UNCX: variants seen among roughly 807,000 people sequenced by gnomAD.
UNCX encodes homeobox protein unc-4 homolog.
UNCX carries 4 observed loss-of-function variants against 14.8 expected under a neutral mutation model. The ratio of observed to expected loss-of-function variants is 0.27; its 90% confidence interval spans 0.13 to 0.62. The LOEUF is 0.62. UNCX is among the 20% of genes least tolerant of loss of function. The pLI is 0.86. For missense variants in UNCX, 749 were observed against 786.8 expected (o/e 0.95, Z 0.58); for synonymous variants, 459 against 395.8 (o/e 1.16, Z -1.90).
Position 1,236,384 on chromosome 7 carries a change from G to T in UNCX, c.1003G>T (p.Glu335Ter). The T allele has an allele frequency of 7.3e-7, 1 of 1,370,432 alleles. No individual in the cohort carries two copies. The highest frequency in any genetic ancestry group is 9.4e-7 in the Non-Finnish European group (1 of 1,059,796). The allele number at this position is 1,370,432 out of a possible 1,614,324, so 84.9% of individuals were successfully genotyped here. A position where few individuals can be genotyped will look rare whatever the true frequency, so the allele number is the denominator to read the frequency against. The change falls in exon 3 of 3, where the codon GAG (glutamate) becomes TAG (stop). Residue 335 changes from glutamate to a stop codon, truncating the protein, a stop_gained. Coordinates refer to ENST00000316333, the MANE Select transcript of UNCX (RefSeq NM_001080461.3). LOFTEE classifies it low-confidence loss of function (END_TRUNC). The surrounding 1 kb of genome is among the most constrained non-coding windows in gnomAD (Gnocchi z 6.9). The stretch of plus-strand genomic sequence containing the variant: ...GCCCAAGGCCAGCCCATTCAGCGTG[G>T]AGAGCCTCCTGTCCGACTCGCCGCC... ...GLPKASPFSV[E>*]SLLSDSPPRR... is the part of the protein sequence containing the mutation.
rs576927309 is a variant in UNCX, at chr7:1,236,747, G to T, written c.1366G>T (p.Ala456Ser). The T allele has an allele frequency of 3.5e-4, 348 of 989,332 alleles. 6 individuals are homozygous for T. The Admixed American group carries it at 0.019, about 55-fold the overall frequency. 61.3% of individuals were successfully genotyped at this position (989,332 alleles called of 1,614,324 possible). ...CGCCTCCCCGGGGGCCCCAGCCCCG[G>T]CCCCGGCGCCTTTCCGGGACCTCGC... ...AVASPGAPAP[A>S]PAPFRDLASA... The change falls in exon 3 of 3, where the codon GCC becomes TCC. Residue 456 changes from alanine (A) to serine (S), a missense_variant. Around this residue, in one of 3 missense-constraint regions of UNCX, gnomAD observed 552 missense variants for 507.2 expected, o/e 1.09. Transcript: ENST00000316333. This position sits in a 1 kb window ranked among gnomAD's most constrained non-coding sequence, Gnocchi z 6.9.
chr7:1,233,128 C>T lies in UNCX; in HGVS notation c.111C>T (p.Ala37=). 6.8e-7 allele frequency: 1 copy of T among 1,465,086 alleles called. No homozygotes were observed. The highest frequency in any genetic ancestry group is 1.5e-5 in the African/African-American group (1 of 67,784). The allele number at this position is 1,465,086 out of a possible 1,614,324, so 90.8% of individuals were successfully genotyped here. The change falls in exon 1 of 3, where the codon GCC becomes GCT. Residue 37 remains alanine (A), a synonymous_variant. Transcript: ENST00000316333. This position sits in a 1 kb window ranked among gnomAD's most constrained non-coding sequence, Gnocchi z 5.3. ...GCCACCACCACGTGTACGAGCTGGC[C>T]GGGCACCAGCTGCAGTCGGCCGCCG... The part of the protein sequence containing the change: ...PLGHHHVYEL[A]GHQLQSAAAA...
Position 1,236,703 on chromosome 7 carries a change from G to T in UNCX, c.1322G>T (p.Arg441Leu). The change falls in exon 3 of 3, where the codon CGT becomes CTT. Residue 441 changes from arginine to leucine, a missense_variant. Around this residue, in one of 3 missense-constraint regions of UNCX, gnomAD observed 552 missense variants for 507.2 expected, o/e 1.09. Transcript: ENST00000316333. The surrounding 1 kb of genome is among the most constrained non-coding windows in gnomAD (Gnocchi z 6.9). ...GGCGCCCCGGACTCGGCCTTCGCGC[G>T]TCGCAGCCCCGACGCCGTCGCCTCC... ...PGGAPDSAFA[R>L]RSPDAVASPG... 1.0e-6 allele frequency: 1 copy of T among 999,174 alleles called. No individual in the cohort carries two copies. The highest frequency in any genetic ancestry group is 1.2e-6 in the Non-Finnish European group (1 of 840,900). 61.9% of individuals were successfully genotyped at this position (999,174 alleles called of 1,614,324 possible).
chr7:1,236,736 C>A lies in UNCX; in HGVS notation c.1355C>A (p.Ala452Asp), dbSNP rs1316208614. Residue 452 changes from alanine (A) to aspartate (D), a missense_variant, in exon 3 of 3, where the codon GCC becomes GAC. Physicochemically the swap from Ala to Asp is moderately radical, Grantham distance 126. Around this residue, in one of 3 missense-constraint regions of UNCX, gnomAD observed 552 missense variants for 507.2 expected, o/e 1.09. Coordinates refer to ENST00000316333, the MANE Select transcript of UNCX (RefSeq NM_001080461.3). The surrounding 1 kb of genome is among the most constrained non-coding windows in gnomAD (Gnocchi z 6.9). ...CCCGACGCCGTCGCCTCCCCGGGGG[C>A]CCCAGCCCCGGCCCCGGCGCCTTTC... ...RSPDAVASPGAPAPAPAPFRD... is the reference protein window; with the variant it reads ...RSPDAVASPGDPAPAPAPFRD... 1 of 991,212 alleles carries A rather than the reference C, an allele frequency of 1.0e-6. No individual in the cohort carries two copies. 61.4% of individuals were successfully genotyped at this position (991,212 alleles called of 1,614,324 possible). A position where few individuals can be genotyped will look rare whatever the true frequency, so the allele number is the denominator to read the frequency against.
chr7:1,236,449 C>T lies in UNCX; in HGVS notation c.1068C>T (p.Ala356=). 7.3e-7 allele frequency: 1 copy of T among 1,368,414 alleles called. No homozygotes were observed. Among genetic ancestry groups the T allele is most frequent in the Non-Finnish European group, 9.4e-7 (1 of 1,061,090 alleles). 84.8% of individuals were successfully genotyped at this position (1,368,414 alleles called of 1,614,324 possible). A position where few individuals can be genotyped will look rare whatever the true frequency, so the allele number is the denominator to read the frequency against. ...CTTCCAACGCCGCCGCCGCCGCCGC[C>T]GCGGGGCTGGACTTCGCGCCCGGGC... ...KAASNAAAAA[A]AGLDFAPGLP... Residue 356 remains alanine, a synonymous_variant, in exon 3 of 3, where the codon GCC becomes GCT. Coordinates refer to ENST00000316333, the MANE Select transcript of UNCX (RefSeq NM_001080461.3). This position sits in a 1 kb window ranked among gnomAD's most constrained non-coding sequence, Gnocchi z 6.9.
Position 1,236,568 on chromosome 7 carries a change from T to A in UNCX, c.1187T>A (p.Leu396His). ...PLGFLVPQAALKGGAGLEPAP... is the reference protein window; with the variant it reads ...PLGFLVPQAAHKGGAGLEPAP... ...GGCTTCCTGGTGCCGCAGGCCGCGC[T>A]CAAGGGCGGCGCGGGCCTGGAGCCG... is the stretch of plus-strand genomic sequence containing the variant. The change falls in exon 3 of 3, where the codon CTC becomes CAC. Residue 396 changes from leucine to histidine, a missense_variant. This residue lies in a region of UNCX where 552 missense variants were observed against 507.2 expected (regional missense o/e 1.09). Transcript: ENST00000316333. The surrounding 1 kb of genome is among the most constrained non-coding windows in gnomAD (Gnocchi z 6.9). 1 of 1,326,726 alleles carries A rather than the reference T, an allele frequency of 7.5e-7. No individual in the cohort carries two copies. The highest frequency in any genetic ancestry group is 9.7e-7 in the Non-Finnish European group (1 of 1,027,744). 82.2% of individuals were successfully genotyped at this position (1,326,726 alleles called of 1,614,324 possible).
In UNCX at chr7:1,232,880, G is replaced by C. The variant is rs1778667601; in HGVS notation, c.-138G>C. The C allele has an allele frequency of 1.0e-5, 3 of 297,540 alleles. No individual in the cohort carries two copies. The highest frequency in any genetic ancestry group is 1.5e-5 in the Non-Finnish European group (3 of 201,254). The allele number at this position is 297,540 out of a possible 1,614,324, so 18.4% of individuals were successfully genotyped here. A position where few individuals can be genotyped will look rare whatever the true frequency, so the allele number is the denominator to read the frequency against. On this transcript the variant is annotated 5_prime_UTR_variant, in exon 1 of 3. Transcript: ENST00000316333. ...GCTTGATGTTGATAAGTAAAGCGCC[G>C]GAGTGCGGGCGAAGCATGTGTGGGG...
rs1440924108 is a variant in UNCX at position 1,236,415 on chromosome 7, G to C, written c.1034G>C (p.Arg345Pro). Reference protein sequence around the residue: ...ESLLSDSPPRRKAASNAAAAA... With the variant: ...ESLLSDSPPRPKAASNAAAAA... ...CTCCTGTCCGACTCGCCGCCGCGCC[G>C]GAAAGCCGCTTCCAACGCCGCCGCC... is the stretch of plus-strand genomic sequence containing the variant. Residue 345 changes from arginine to proline, a missense_variant, in exon 3 of 3, where the codon CGG (arginine) becomes CCG (proline). By Grantham distance (103) the Arg-to-Pro change is moderately radical. Coordinates refer to ENST00000316333, the MANE Select transcript of UNCX (RefSeq NM_001080461.3). The surrounding 1 kb of genome is among the most constrained non-coding windows in gnomAD (Gnocchi z 6.9). The C allele has an allele frequency of 2.2e-6, 3 of 1,368,804 alleles. No homozygotes were observed. The highest frequency in any genetic ancestry group is 1.6e-5 in the African/African-American group (1 of 64,300). The allele number at this position is 1,368,804 out of a possible 1,614,324, so 84.8% of individuals were successfully genotyped here.
chr7:1,236,352 C>G lies in UNCX; in HGVS notation c.971C>G (p.Ala324Gly). 1 of 1,311,432 alleles carries G rather than the reference C, an allele frequency of 7.6e-7. No individual in the cohort carries two copies. The highest frequency in any genetic ancestry group is 9.7e-7 in the Non-Finnish European group (1 of 1,029,006). The allele number at this position is 1,311,432 out of a possible 1,614,324, so 81.2% of individuals were successfully genotyped here. ...GTGGCGGCGGTGGAGCGCGGCGCCG[C>G]GGGGCTGCCCAAGGCCAGCCCATTC... ...AAVAAVERGAAGLPKASPFSV... is the reference protein window; with the variant it reads ...AAVAAVERGAGGLPKASPFSV... The change falls in exon 3 of 3, where the codon GCG becomes GGG. Residue 324 changes from alanine to glycine, a missense_variant. By Grantham distance (60) the Ala-to-Gly change is moderately conservative. Transcript: ENST00000316333. The surrounding 1 kb of genome is among the most constrained non-coding windows in gnomAD (Gnocchi z 6.9).
intron 2 of UNCX, 113 bp from the exon 3 acceptor site, chr7:1,235,719 C>A (rs1309134052): frequency 2.0e-6 from 2 of 994,354 alleles, no homozygotes; most frequent in South Asian, 3.4e-5. Flanking sequence ...CACTCCTGCC[C>A]CGGCCGAGCG....
Position 1,236,477 on chromosome 7 carries a change from C to T in UNCX, c.1096C>T (p.Pro366Ser), listed in dbSNP as rs1367552900. 2.9e-6 allele frequency: 4 copies of T among 1,385,306 alleles called. No homozygotes were observed. Among genetic ancestry groups the T allele is most frequent in the Non-Finnish European group, 1.9e-6 (2 of 1,066,466 alleles). 85.8% of individuals were successfully genotyped at this position (1,385,306 alleles called of 1,614,324 possible). Residue 366 changes from proline (P) to serine (S), a missense_variant, in exon 3 of 3, where the codon CCG becomes TCG. Coordinates refer to ENST00000316333, the MANE Select transcript of UNCX (RefSeq NM_001080461.3). The surrounding 1 kb of genome is among the most constrained non-coding windows in gnomAD (Gnocchi z 6.9). Reference sequence around the variant, plus strand: ...GGGGCTGGACTTCGCGCCCGGGCTGCCGTGCGCGCCGCGGACCCTGATCGG... The same window carrying T: ...GGGGCTGGACTTCGCGCCCGGGCTGTCGTGCGCGCCGCGGACCCTGATCGG... ...AAGLDFAPGL[P>S]CAPRTLIGKG...
In UNCX at chr7:1,233,059, C is replaced by T. The variant is rs1304487972; in HGVS notation, c.42C>T (p.Phe14=). 2.8e-6 allele frequency: 4 copies of T among 1,421,042 alleles called. No individual in the cohort carries two copies. Among genetic ancestry groups the T allele is most frequent in the Admixed American group, 2.6e-5 (1 of 38,210 alleles). 88.0% of individuals were successfully genotyped at this position (1,421,042 alleles called of 1,614,324 possible). A position where few individuals can be genotyped will look rare whatever the true frequency, so the allele number is the denominator to read the frequency against. The stretch of plus-strand genomic sequence containing the variant: ...TCCTGGAACACCCGCATGCCCAGTT[C>T]GGGGGCTCGCTGGGCGGCGTGGTGG... ...GRLLEHPHAQ[F]GGSLGGVVGF... is the part of the protein sequence containing the mutation. The change falls in exon 1 of 3, where the codon TTC becomes TTT. Residue 14 remains phenylalanine, a synonymous_variant. Transcript: ENST00000316333. The surrounding 1 kb of genome is among the most constrained non-coding windows in gnomAD (Gnocchi z 5.3).
In UNCX at chr7:1,236,403, C is replaced by A; in HGVS notation, c.1022C>A (p.Ser341Ter). 7.3e-7 allele frequency: 1 copy of A among 1,369,268 alleles called. No individual in the cohort carries two copies. Among genetic ancestry groups the A allele is most frequent in the Non-Finnish European group, 9.4e-7 (1 of 1,058,818 alleles). 84.8% of individuals were successfully genotyped at this position (1,369,268 alleles called of 1,614,324 possible). The change falls in exon 3 of 3, where the codon TCG (serine) becomes TAG (stop). Residue 341 changes from serine to a stop codon, truncating the protein, a stop_gained. Transcript: ENST00000316333. LOFTEE classifies it low-confidence loss of function (END_TRUNC). The surrounding 1 kb of genome is among the most constrained non-coding windows in gnomAD (Gnocchi z 6.9). ...AGCGTGGAGAGCCTCCTGTCCGACT[C>A]GCCGCCGCGCCGGAAAGCCGCTTCC... Reference protein sequence around the residue: ...PFSVESLLSDSPPRRKAASNA... With the variant: ...PFSVESLLSD
At position 1,233,299 on chromosome 7, in the gene UNCX, C is replaced by G. The variant is rs1778679448; in HGVS notation, c.274+8C>G. ...AGCCCTTCAAGCTGTCAGGTAGGCG[C>G]GGCGGGCGGGAGGGCGGGGAGGAGT... On this transcript the variant is annotated splice_region_variant and intron_variant, in intron 1 of 2. Coordinates refer to ENST00000316333, the MANE Select transcript of UNCX (RefSeq NM_001080461.3). This position sits in a 1 kb window ranked among gnomAD's most constrained non-coding sequence, Gnocchi z 5.3. 2.0e-6 allele frequency: 2 copies of G among 1,024,406 alleles called. No homozygotes were observed. Among genetic ancestry groups the G allele is most frequent in the South Asian group, 2.4e-5 (1 of 41,532 alleles). 63.5% of individuals were successfully genotyped at this position (1,024,406 alleles called of 1,614,324 possible).
At chr7:1,234,889 G>A (rs774072423) in intron 2 of UNCX, among the ~76,000 whole-genome samples, 6 of 152,098 alleles carry the variant, frequency 3.9e-5, no homozygotes, top group Non-Finnish European at 7.4e-5. Context: ...AAGTCTCTGT[G>A]TGGCCGCGAC....
At position 1,233,415 on chromosome 7, in the gene UNCX, G is replaced by GCCCC. The variant is rs373820130; in HGVS notation, c.275-97_275-94dup. 345 of 1,134,824 alleles carry GCCCC rather than the reference G, an allele frequency of 3.0e-4. 11 individuals are homozygous for GCCCC. The African/African-American group carries it at 4.4e-3, about 14-fold the overall frequency. The allele number at this position is 1,134,824 out of a possible 1,614,324, so 70.3% of individuals were successfully genotyped here. A position where few individuals can be genotyped will look rare whatever the true frequency, so the allele number is the denominator to read the frequency against. Reference sequence around the variant, plus strand: ...CCGGCTCCTAGGCGGCCGTCTCTGCGCCCCCCCCCCCGGATCCAGGCGGCC... The same window carrying GCCCC: ...CCGGCTCCTAGGCGGCCGTCTCTGCGCCCCCCCCCCCCCCCGGATCCAGGCGGCC... On this transcript the variant is annotated intron_variant, in intron 1 of 2. Transcript: ENST00000316333. This position sits in a 1 kb window ranked among gnomAD's most constrained non-coding sequence, Gnocchi z 5.3.
Position 1,236,501 on chromosome 7 carries a change from G to A in UNCX, c.1120G>A (p.Gly374Ser), listed in dbSNP as rs1220872169. 5 of 1,404,934 alleles carry A rather than the reference G, an allele frequency of 3.6e-6. No individual in the cohort carries two copies. The highest frequency in any genetic ancestry group is 4.6e-6 in the Non-Finnish European group (5 of 1,075,386). The allele number at this position is 1,404,934 out of a possible 1,614,324, so 87.0% of individuals were successfully genotyped here. ...GCCGTGCGCGCCGCGGACCCTGATCGGCAAGGGCCACTTCCTCCTCTACCC... is the reference window on the plus strand; with the variant it reads ...GCCGTGCGCGCCGCGGACCCTGATCAGCAAGGGCCACTTCCTCCTCTACCC... ...GLPCAPRTLIGKGHFLLYPIT... is the reference protein window; with the variant it reads ...GLPCAPRTLISKGHFLLYPIT... The change falls in exon 3 of 3, where the codon GGC becomes AGC. Residue 374 changes from glycine (G) to serine (S), a missense_variant. By Grantham distance (56) the Gly-to-Ser change is moderately conservative. Around this residue, in one of 3 missense-constraint regions of UNCX, gnomAD observed 552 missense variants for 507.2 expected, o/e 1.09. Coordinates refer to ENST00000316333, the MANE Select transcript of UNCX (RefSeq NM_001080461.3). This position sits in a 1 kb window ranked among gnomAD's most constrained non-coding sequence, Gnocchi z 6.9.
In UNCX at chr7:1,236,642, G is replaced by T; in HGVS notation, c.1261G>T (p.Ala421Ser). ...GCCCGCCGTGCCGCCCGCGCCGCCT[G>T]CCCAGGCCAGTTTCGGGGCCTTCTC... ...PAPAVPPAPP[A>S]QASFGAFSGP... The change falls in exon 3 of 3, where the codon GCC becomes TCC. Residue 421 changes from alanine (A) to serine (S), a missense_variant. By Grantham distance (99) the Ala-to-Ser change is moderately conservative. Around this residue, in one of 3 missense-constraint regions of UNCX, gnomAD observed 552 missense variants for 507.2 expected, o/e 1.09. Transcript: ENST00000316333. This position sits in a 1 kb window ranked among gnomAD's most constrained non-coding sequence, Gnocchi z 6.9. 2 of 1,040,916 alleles carry T rather than the reference G, an allele frequency of 1.9e-6. No homozygotes were observed. Among genetic ancestry groups the T allele is most frequent in the South Asian group, 8.8e-5 (2 of 22,852 alleles). 64.5% of individuals were successfully genotyped at this position (1,040,916 alleles called of 1,614,324 possible).
rs1208486827 is a variant in UNCX, at chr7:1,236,730, C to T, written c.1349C>T (p.Pro450Leu). The T allele has an allele frequency of 2.9e-5, 29 of 992,588 alleles. 1 individual carries two copies. The highest frequency in any genetic ancestry group is 5.1e-4 in the Middle Eastern group (1 of 1,960). 61.5% of individuals were successfully genotyped at this position (992,588 alleles called of 1,614,324 possible). Residue 450 changes from proline to leucine, a missense_variant, in exon 3 of 3, where the codon CCG (proline) becomes CTG (leucine). By Grantham distance (98) the Pro-to-Leu change is moderately conservative. Transcript: ENST00000316333. The surrounding 1 kb of genome is among the most constrained non-coding windows in gnomAD (Gnocchi z 6.9). ...ARRSPDAVAS[P>L]GAPAPAPAPF... is the part of the protein sequence containing the mutation. Reference sequence around the variant, plus strand: ...CGCAGCCCCGACGCCGTCGCCTCCCCGGGGGCCCCAGCCCCGGCCCCGGCG... The same window carrying T: ...CGCAGCCCCGACGCCGTCGCCTCCCTGGGGGCCCCAGCCCCGGCCCCGGCG...
Sources: allele counts gnomAD v4.1 joint callset (sites outside exome capture counted in the v4.1 genomes callset), GRCh38; gene constraint gnomAD v4.1.1; regional missense constraint gnomAD v4.1.1; non-coding constraint Gnocchi (gnomAD v3.1); transcripts MANE v1.5; gene names NCBI Gene and HGNC (gene_info 2026-07-23, HGNC 2026-07-21).